Variants in SMAD4 observed in about 807,000 individuals in gnomAD.
The protein encoded by SMAD4 is MAD homolog 4.
Under a neutral mutation model 63.2 loss-of-function variants are expected in SMAD4, and 7 were observed. The observed-to-expected ratio is 0.11, with a 90% CI of 0.06 to 0.21. The LOEUF is 0.21. SMAD4 is among the 10% of genes least tolerant of loss of function. The pLI is 1.00. For missense variants in SMAD4, 312 were observed against 693.8 expected, an observed-to-expected ratio of 0.45 and a Z score of 6.18; for synonymous variants, 215 against 235.4, an observed-to-expected ratio of 0.91 and a Z score of 0.79.
chr18:51,076,234 T>C (rs191631957), intron 10 of SMAD4, among the ~76,000 whole-genome samples: 11 of 152,278 alleles, frequency 7.2e-5, no homozygotes, highest in Admixed American at 6.5e-4. Flanking sequence ...GCAAAAATGA[T>C]AAGACAAAAA....
At chr18:51,078,183 T>C in intron 11 of SMAD4, 73 bp from the exon 12 acceptor site, 2 of 1,246,846 alleles carry the variant, frequency 1.6e-6, no homozygotes, top group South Asian at 2.4e-5. Flanking sequence ...GGTCACTTGA[T>C]TAATTTAGAA....
Position 51,084,000 on chromosome 18 carries a change from GCACGCGCGCGCGCA to G in SMAD4, c.*5537_*5550del, listed in dbSNP as rs1243738661. 5.0e-6 allele frequency: 1 copy of G among 201,350 alleles called. No individual in the cohort carries two copies. The highest frequency in any genetic ancestry group is 9.3e-6 in the Non-Finnish European group (1 of 107,274). 12.5% of individuals were successfully genotyped at this position (201,350 alleles called of 1,614,324 possible). A position where few individuals can be genotyped will look rare whatever the true frequency, so the allele number is the denominator to read the frequency against. ...TGCAATAAACACTTAACGCGCGTGC[GCACGCGCGCGCGCA>G]CACACACACACACACACACACACAC... On this transcript the variant is annotated 3_prime_UTR_variant, in exon 12 of 12. Coordinates refer to ENST00000342988, the MANE Select transcript of SMAD4 (RefSeq NM_005359.6).
intron 2 of SMAD4, among the ~76,000 whole-genome samples, chr18:51,047,670 G>A (rs373373792): frequency 1.3e-5 from 2 of 151,084 alleles, no homozygotes; most frequent in Non-Finnish European, 2.9e-5. Flanking sequence ...GTACAGTGGC[G>A]TGATCTTGGC....
chr18:51,064,934 T>C (rs1910107761), intron 8 of SMAD4, among the ~76,000 whole-genome samples: 2 of 152,170 alleles, frequency 1.3e-5, no homozygotes, highest in Non-Finnish European at 2.9e-5. Context: ...AAATATGTCA[T>C]GAGTCGATGT....
intron 10 of SMAD4, among the ~76,000 whole-genome samples, chr18:51,071,769 T>C (rs1442881176): frequency 6.6e-6 from 1 of 152,222 alleles, no homozygotes; most frequent in African/African-American, 2.4e-5. Context: ...CCCTTTTAAC[T>C]ATCACCCCCA....
At position 51,081,322 on chromosome 18, in the gene SMAD4, G is replaced by A. The variant is rs1475066896; in HGVS notation, c.*2855G>A. The A allele has an allele frequency of 4.4e-6, 1 of 228,460 alleles. No homozygotes were observed. 14.2% of individuals were successfully genotyped at this position (228,460 alleles called of 1,614,324 possible). On this transcript the variant is annotated 3_prime_UTR_variant, in exon 12 of 12. Transcript: ENST00000342988. Reference sequence around the variant, plus strand: ...CACCGTAAGACCTCATTCCATGTTTGTCCAGTGCCTTTCAGTGCATTATCA... The same window carrying A: ...CACCGTAAGACCTCATTCCATGTTTATCCAGTGCCTTTCAGTGCATTATCA...
Position 51,084,497 on chromosome 18 carries a change from G to A in SMAD4, c.*6030G>A, listed in dbSNP as rs1408972175. 4.5e-6 allele frequency: 1 copy of A among 224,052 alleles called. No homozygotes were observed. Among genetic ancestry groups the A allele is most frequent in the Non-Finnish European group, 8.9e-6 (1 of 112,482 alleles). The allele number at this position is 224,052 out of a possible 1,614,324, so 13.9% of individuals were successfully genotyped here. A position where few individuals can be genotyped will look rare whatever the true frequency, so the allele number is the denominator to read the frequency against. On this transcript the variant is annotated 3_prime_UTR_variant, in exon 12 of 12. Coordinates refer to ENST00000342988, the MANE Select transcript of SMAD4 (RefSeq NM_005359.6). ...CAAGGACCTGGGAGCCTTCCTTGGG[G>A]CTGGGTTGAGGGTGGGGGGTTGGGG... is the stretch of plus-strand genomic sequence containing the variant.
At chr18:51,036,859 A>G (rs552493911) in intron 1 of SMAD4, among the ~76,000 whole-genome samples, 25 of 152,274 alleles carry the variant, frequency 1.6e-4, no homozygotes, top group African/African-American at 5.1e-4. Context: ...GCTTCAGTTA[A>G]AAGTTTTATG....
Position 51,041,300 on chromosome 18 carries a change from T to C in SMAD4, c.-127-5620T>C, listed in dbSNP as rs75054487. On this transcript the variant is annotated intron_variant, in intron 1 of 11. Transcript: ENST00000342988. ...TTTCCTTCAGCCTGGCAAATTCTTA[T>C]TCGTATGTGGTAATCCATTAATACT... Among the ~76,000 whole-genome samples, 518 of 152,336 alleles carry C rather than the reference T, an allele frequency of 3.4e-3. 6 individuals carry two copies. The East Asian group carries it at 0.043, about 13-fold the overall frequency.
chr18:51,048,424 A>G (rs1015812755), intron 2 of SMAD4, among the ~76,000 whole-genome samples: 1 of 152,140 alleles, frequency 6.6e-6, no homozygotes, highest in African/African-American at 2.4e-5. Flanking sequence ...TCCCAAAGTG[A>G]TAGGATTACA....
chr18:51,035,707 C>T (rs1274460253), intron 1 of SMAD4, among the ~76,000 whole-genome samples: 3 of 152,184 alleles, frequency 2.0e-5, no homozygotes, highest in East Asian at 1.9e-4. Context: ...TCAGCTAGGC[C>T]AGCTAGCTAG....
At chr18:51,055,241 C>T (rs775281908) in intron 5 of SMAD4, among the ~76,000 whole-genome samples, 2 of 152,052 alleles carry the variant, frequency 1.3e-5, no homozygotes, top group Non-Finnish European at 2.9e-5. Flanking sequence ...CAGTAAGTAG[C>T]CTCTTAAGCT....
chr18:51,036,552 G>A (rs975526641), intron 1 of SMAD4, among the ~76,000 whole-genome samples: 2 of 152,198 alleles, frequency 1.3e-5, no homozygotes, highest in African/African-American at 4.8e-5. Flanking sequence ...CTAGTTGAAG[G>A]AAGAATGTGT....
At chr18:51,045,445 A>T (rs139266756) in intron 1 of SMAD4, among the ~76,000 whole-genome samples, 1 of 152,326 alleles carries the variant, frequency 6.6e-6, no homozygotes, top group African/African-American at 2.4e-5. Flanking sequence ...CTTTATTCTT[A>T]AGCTAATGGC....
chr18:51,034,638 A>G lies in SMAD4; in HGVS notation c.-128+4015A>G, dbSNP rs556887604. On this transcript the variant is annotated intron_variant, in intron 1 of 11. Transcript: ENST00000342988. ...TAGCTCACTGCAGCCTCTACCACCC[A>G]GGCTCAAGCAATCCCACTTCAGCTG... 8.0e-4 allele frequency among the ~76,000 whole-genome samples: 122 copies of G among 152,196 alleles called. 1 individual carries two copies. The highest frequency in any genetic ancestry group is 2.8e-3 in the African/African-American group (117 of 41,514).
chr18:51,054,420 A>G, intron 4 of SMAD4: 1 of 275,300 alleles, frequency 3.6e-6, no homozygotes, highest in Non-Finnish European at 7.0e-6. Context: ...AGCTGGACAC[A>G]TTTTCCAGCC....
In SMAD4 at chr18:51,084,974, A is replaced by G. The variant is rs1397036549; in HGVS notation, c.*6507A>G. 4.7e-6 allele frequency: 1 copy of G among 212,404 alleles called. No individual in the cohort carries two copies. The highest frequency in any genetic ancestry group is 5.9e-5 in the Admixed American group (1 of 17,056). The allele number at this position is 212,404 out of a possible 1,614,324, so 13.2% of individuals were successfully genotyped here. A position where few individuals can be genotyped will look rare whatever the true frequency, so the allele number is the denominator to read the frequency against. ...GCCTGGTTAAAGTCTGTGGCTAAAA[A>G]ATAGTCGAACCTTTCTTGAGAACTC... is the stretch of plus-strand genomic sequence containing the variant. On this transcript the variant is annotated 3_prime_UTR_variant, in exon 12 of 12. Transcript: ENST00000342988.
chr18:51,076,809 T>C, intron 11 of SMAD4, 33 bp downstream of exon 11: 2 of 1,480,382 alleles, frequency 1.4e-6, no homozygotes, highest in Admixed American at 4.2e-5. Flanking sequence ...TTTAAAGGTA[T>C]AATAGTTGAT....
intron 1 of SMAD4, among the ~76,000 whole-genome samples, chr18:51,036,174 C>T (rs117789529): frequency 2.6e-5 from 4 of 151,110 alleles, no homozygotes; most frequent in East Asian, 3.9e-4. Context: ...AATGGGGGGG[C>T]GGGGGTCTTG....
Sources: allele counts gnomAD v4.1 joint callset (sites outside exome capture counted in the v4.1 genomes callset), GRCh38; gene constraint gnomAD v4.1.1; transcripts MANE v1.5; gene names NCBI Gene and HGNC (gene_info 2026-07-23, HGNC 2026-07-21).